Variants in TTC23 observed in about 807,000 individuals in gnomAD.
The protein encoded by TTC23 is tetratricopeptide repeat protein 23.
In TTC23, 58 loss-of-function variants were observed where a neutral mutation model predicts 55.1. The observed-to-expected ratio is 1.05, with a 90% CI of 0.85 to 1.31. The LOEUF is 1.31. Ranked by LOEUF, TTC23 falls within the 50% of genes most tolerant of loss-of-function variation. The pLI is 0.00. For synonymous variants in TTC23, 203 were observed against 199.9 expected (o/e 1.02, Z -0.13); for missense variants, 516 against 534.4 (o/e 0.97, Z 0.34).
chr15:99,218,261 C>G (rs979888532), intron 8 of TTC23, among the ~76,000 whole-genome samples: 1 of 151,812 alleles, frequency 6.6e-6, no homozygotes, highest in Admixed American at 6.6e-5. Flanking sequence ...TAGACTGGAG[C>G]AGGGCAGGGA....
chr15:99,222,605 T>C (rs1173827214), intron 5 of TTC23, among the ~76,000 whole-genome samples: 1 of 152,110 alleles, frequency 6.6e-6, no homozygotes, highest in Non-Finnish European at 1.5e-5. Context: ...AGAAGCACAG[T>C]TTCATTCAGG....
At chr15:99,139,677 C>T in intron 12 of TTC23, 3 of 1,403,736 alleles carry the variant, frequency 2.1e-6, no homozygotes, top group Non-Finnish European at 2.8e-6. Context: ...AAAATAAAGG[C>T]AAGAACCTTG....
chr15:99,166,981 T>C (rs1446759923), intron 10 of TTC23, among the ~76,000 whole-genome samples: 2 of 152,220 alleles, frequency 1.3e-5, no homozygotes, highest in African/African-American at 4.8e-5. Context: ...AGCTCCTTTA[T>C]TGCAAGATCC....
intron 9 of TTC23, among the ~76,000 whole-genome samples, chr15:99,186,045 G>A (rs2074632110): frequency 6.6e-6 from 1 of 152,156 alleles, no homozygotes; most frequent in Non-Finnish European, 1.5e-5. Context: ...TTATACACGG[G>A]TCCCCTTTGA....
At chr15:99,227,879 G>A (rs1182446824) in intron 5 of TTC23, among the ~76,000 whole-genome samples, 1 of 152,158 alleles carries the variant, frequency 6.6e-6, no homozygotes, top group East Asian at 1.9e-4. Flanking sequence ...CTTAACTGCT[G>A]TCCCTCTACC....
Position 99,137,995 on chromosome 15 carries a change from T to C in TTC23, c.*15A>G. On this transcript the variant is annotated 3_prime_UTR_variant, in exon 14 of 14. Coordinates refer to ENST00000394132, the MANE Select transcript of TTC23 (RefSeq NM_001288615.3). ...AGTGCCCAGGAATGTCCTAGGCTTTTTCAGGGTGGGGGCCTCAGTCTGCTG... is the reference window on the plus strand; with the variant it reads ...AGTGCCCAGGAATGTCCTAGGCTTTCTCAGGGTGGGGGCCTCAGTCTGCTG... The C allele has an allele frequency of 6.2e-7, 1 of 1,614,076 alleles. No homozygotes were observed. The highest frequency in any genetic ancestry group is 8.5e-7 in the Non-Finnish European group (1 of 1,179,996).
intron 2 of TTC23, among the ~76,000 whole-genome samples, chr15:99,244,910 T>G (rs1321924259): frequency 6.6e-6 from 1 of 152,166 alleles, no homozygotes; most frequent in South Asian, 2.1e-4. Context: ...TAATCAAAAG[T>G]GTTGTACTTA....
chr15:99,150,981 C>A (rs2069645601), intron 12 of TTC23, among the ~76,000 whole-genome samples: 2 of 152,158 alleles, frequency 1.3e-5, no homozygotes, highest in African/African-American at 2.4e-5. Context: ...TTAGCCTATA[C>A]TGTTTTTTTT....
intron 9 of TTC23, among the ~76,000 whole-genome samples, chr15:99,175,564 G>A (rs748249130): frequency 2.0e-5 from 3 of 152,234 alleles, no homozygotes; most frequent in Non-Finnish European, 2.9e-5. Flanking sequence ...GTGGGTGTCA[G>A]CAGTCTCCCC....
At chr15:99,193,223 G>A (rs866680858) in intron 9 of TTC23, among the ~76,000 whole-genome samples, 1 of 152,164 alleles carries the variant, frequency 6.6e-6, no homozygotes, top group Non-Finnish European at 1.5e-5. Context: ...AGGACTGTTG[G>A]GAAGGCATGA....
chr15:99,241,907 G>C (rs72756894), intron 2 of TTC23, among the ~76,000 whole-genome samples: 2,045 of 152,294 alleles, frequency 0.013, 13 homozygotes, highest in Non-Finnish European at 0.022. Flanking sequence ...GGCTGAGATG[G>C]GTTGATGGCT....
At chr15:99,162,394 T>C (rs1164336092) in intron 10 of TTC23, among the ~76,000 whole-genome samples, 1 of 152,128 alleles carries the variant, frequency 6.6e-6, no homozygotes, top group Non-Finnish European at 1.5e-5. Context: ...CTGGTTATAA[T>C]ATAACACAAA....
intron 9 of TTC23, among the ~76,000 whole-genome samples, chr15:99,185,179 T>C (rs1261227944): frequency 6.6e-6 from 1 of 152,212 alleles, no homozygotes; most frequent in Non-Finnish European, 1.5e-5. Flanking sequence ...TCCTTCCTAA[T>C]TCTAAACAAA....
At chr15:99,199,796 C>G (rs2076052169) in intron 9 of TTC23, 123 bp downstream of exon 9, 2 of 973,064 alleles carry the variant, frequency 2.1e-6, no homozygotes, top group East Asian at 5.1e-5. Context: ...TACTCTAGGC[C>G]AACTGTTGTC....
chr15:99,146,454 C>T (rs905281124), intron 12 of TTC23, among the ~76,000 whole-genome samples: 1 of 152,230 alleles, frequency 6.6e-6, no homozygotes, highest in Non-Finnish European at 1.5e-5. Context: ...TAAAGTTACA[C>T]TAGATTTATG....
intron 7 of TTC23, 24 bp downstream of exon 7, chr15:99,218,874 T>C (rs753401451): frequency 1.2e-6 from 2 of 1,604,742 alleles, no homozygotes; most frequent in Non-Finnish European, 1.7e-6. Flanking sequence ...TTTCTATTTG[T>C]AAAAGTTAGA....
chr15:99,234,285 T>A (rs1312222208), intron 4 of TTC23, among the ~76,000 whole-genome samples: 1 of 152,222 alleles, frequency 6.6e-6, no homozygotes, highest in African/African-American at 2.4e-5. Context: ...GTAAGATTTG[T>A]ATCTTACTGG....
chr15:99,223,652 C>A (rs1567529457), intron 5 of TTC23, among the ~76,000 whole-genome samples: 1 of 152,206 alleles, frequency 6.6e-6, no homozygotes, highest in African/African-American at 2.4e-5. Context: ...TGTGAGGAAG[C>A]CAACATGGCC....
Position 99,175,120 on chromosome 15 carries a change from T to C in TTC23, c.795A>G (p.Gln265=). The change falls in exon 10 of 14, where the codon CAA becomes CAG. Residue 265 remains glutamine, a synonymous_variant. Coordinates refer to ENST00000394132, the MANE Select transcript of TTC23 (RefSeq NM_001288615.3). The part of the protein sequence containing the change: ...HLIILSRSPS[Q]VEAADSAHIV... The stretch of plus-strand genomic sequence containing the variant: ...TGTGTGCCGAGTCTGCTGCCTCCAC[T>C]TGAGAGGGGCTTCTACTCAGGATGA... 1 of 1,614,044 alleles carries C rather than the reference T, an allele frequency of 6.2e-7. No individual in the cohort carries two copies. The highest frequency in any genetic ancestry group is 8.5e-7 in the Non-Finnish European group (1 of 1,179,996).
Sources: gnomAD v4.1 joint callset for allele counts (sites outside exome capture counted in the v4.1 genomes callset) on GRCh38, gnomAD v4.1.1 for gene constraint, MANE v1.5 for transcripts, NCBI Gene and HGNC (gene_info 2026-07-23, HGNC 2026-07-21) for gene names.